DYNC1I1: variants seen among roughly 807,000 people sequenced by gnomAD.
DYNC1I1 encodes the protein cytoplasmic dynein 1 intermediate chain 1.
DYNC1I1 carries 43 observed loss-of-function variants against 86.6 expected under a neutral mutation model. The observed-to-expected ratio is 0.50, with a 90% CI of 0.39 to 0.64. DYNC1I1 has a LOEUF of 0.64. Among genes scored for constraint, DYNC1I1 ranks in the 30% least tolerant of loss-of-function variants. The pLI is 0.00. For missense variants in DYNC1I1, 604 were observed against 788.8 expected, an observed-to-expected ratio of 0.77 and a Z score of 2.81; for synonymous variants, 262 against 283.7, an observed-to-expected ratio of 0.92 and a Z score of 0.77.
chr7:95,949,682 A>G (rs373604159), intron 6 of DYNC1I1, among the ~76,000 whole-genome samples: 4 of 152,356 alleles, frequency 2.6e-5, no homozygotes, highest in East Asian at 3.9e-4. Context: ...TGGAGCTCTC[A>G]TCAGTGAGGA....
At chr7:96,058,486 T>G (rs187690369) in intron 14 of DYNC1I1, among the ~76,000 whole-genome samples, 2 of 152,318 alleles carry the variant, frequency 1.3e-5, no homozygotes, top group Admixed American at 1.3e-4. Flanking sequence ...CTTATACTTA[T>G]TCATTCAATA....
intron 6 of DYNC1I1, among the ~76,000 whole-genome samples, chr7:95,935,267 A>G (rs557246795): frequency 6.6e-6 from 1 of 152,118 alleles, no homozygotes; most frequent in Non-Finnish European, 1.5e-5. Context: ...TTAGCATAAG[A>G]TCCCCAACAT....
At chr7:95,938,366 C>G (rs1421123673) in intron 6 of DYNC1I1, among the ~76,000 whole-genome samples, 1 of 152,204 alleles carries the variant, frequency 6.6e-6, no homozygotes, top group Non-Finnish European at 1.5e-5. Context: ...CTTGCAACTA[C>G]ATTGCATTGT....
rs1584320469 is a variant in DYNC1I1 at position 96,097,995 on chromosome 7, G to A, written c.*402G>A. 1 of 996,214 alleles carries A rather than the reference G, an allele frequency of 1.0e-6. No homozygotes were observed. The highest frequency in any genetic ancestry group is 5.7e-5 in the Admixed American group (1 of 17,510). 61.7% of individuals were successfully genotyped at this position (996,214 alleles called of 1,614,324 possible). A position where few individuals can be genotyped will look rare whatever the true frequency, so the allele number is the denominator to read the frequency against. On this transcript the variant is annotated 3_prime_UTR_variant, in exon 17 of 17. Coordinates refer to ENST00000447467, the MANE Select transcript of DYNC1I1 (RefSeq NM_001135556.2). ...CAGATGTGGTGTTCCTCATATTATGGTACAGGGCCAAAGACTTGAGACGTG... is the reference window on the plus strand; with the variant it reads ...CAGATGTGGTGTTCCTCATATTATGATACAGGGCCAAAGACTTGAGACGTG...
chr7:95,853,725 C>G (rs1378848039), intron 5 of DYNC1I1, among the ~76,000 whole-genome samples: 1 of 152,130 alleles, frequency 6.6e-6, no homozygotes, highest in Non-Finnish European at 1.5e-5. Flanking sequence ...GATTTTCTGT[C>G]TGCCAATAGT....
At chr7:95,837,363 C>G (rs1395889334) in intron 5 of DYNC1I1, among the ~76,000 whole-genome samples, 2 of 151,110 alleles carry the variant, frequency 1.3e-5, no homozygotes, top group Admixed American at 1.3e-4. Flanking sequence ...AACCACTGCT[C>G]TCTTCAAAGC....
At chr7:95,933,006 G>T (rs1433121778) in intron 6 of DYNC1I1, among the ~76,000 whole-genome samples, 1 of 149,920 alleles carries the variant, frequency 6.7e-6, no homozygotes, top group African/African-American at 2.5e-5. Flanking sequence ...TCAGCTTCCT[G>T]AGTGTCTGGG....
At chr7:95,848,592 A>T (rs560527550) in intron 5 of DYNC1I1, among the ~76,000 whole-genome samples, 1 of 152,082 alleles carries the variant, frequency 6.6e-6, no homozygotes. Flanking sequence ...ATAGTATTCC[A>T]TTGTGTAAGC....
chr7:95,838,535 C>T (rs923803587), intron 5 of DYNC1I1, among the ~76,000 whole-genome samples: 1 of 152,072 alleles, frequency 6.6e-6, no homozygotes, highest in Non-Finnish European at 1.5e-5. Context: ...TTTTGGGGTT[C>T]CATATGAATT....
rs898844576 is a variant in DYNC1I1, at chr7:95,985,115, C to T, written c.743+138C>T. ...TTTTGGAATTGATCTTGCTGAACAG[C>T]TTTGACTATGGGCTTTGGTGATAAC... On this transcript the variant is annotated intron_variant, in intron 8 of 16. Coordinates refer to ENST00000447467, the MANE Select transcript of DYNC1I1 (RefSeq NM_001135556.2). 10 of 1,187,386 alleles carry T rather than the reference C, an allele frequency of 8.4e-6. No individual in the cohort carries two copies. The South Asian group carries it at 1.0e-4, about 12-fold the overall frequency. 73.6% of individuals were successfully genotyped at this position (1,187,386 alleles called of 1,614,324 possible).
chr7:95,807,171 G>A (rs1794720291), intron 2 of DYNC1I1, among the ~76,000 whole-genome samples: 1 of 152,106 alleles, frequency 6.6e-6, no homozygotes, highest in Admixed American at 6.6e-5. Context: ...CTGCTGGTGA[G>A]GCCATTTTAT....
At chr7:96,076,222 G>A (rs1235474148) in intron 15 of DYNC1I1, 25 bp downstream of exon 15, 5 of 1,612,226 alleles carry the variant, frequency 3.1e-6, no homozygotes, top group Non-Finnish European at 4.2e-6. Context: ...AGGCGCCCGG[G>A]CCGGAGGGCT....
intron 1 of DYNC1I1, among the ~76,000 whole-genome samples, chr7:95,791,260 G>A (rs892630403): frequency 6.6e-6 from 1 of 152,126 alleles, no homozygotes; most frequent in African/African-American, 2.4e-5. Context: ...CAGCTGGATG[G>A]CTTAAATTTG....
chr7:95,792,468 G>A (rs918851492), intron 1 of DYNC1I1, among the ~76,000 whole-genome samples: 2 of 152,172 alleles, frequency 1.3e-5, no homozygotes, highest in African/African-American at 4.8e-5. Flanking sequence ...GATACAGAGA[G>A]GAATCTGAAT....
At chr7:95,842,860 G>C (rs1789323989) in intron 5 of DYNC1I1, among the ~76,000 whole-genome samples, 1 of 150,304 alleles carries the variant, frequency 6.7e-6, no homozygotes, top group Admixed American at 6.7e-5. Context: ...TGCATGTTTG[G>C]TAATTTTTTA....
At chr7:96,037,574 T>A (rs980838477) in intron 13 of DYNC1I1, among the ~76,000 whole-genome samples, 1 of 152,314 alleles carries the variant, frequency 6.6e-6, no homozygotes, top group African/African-American at 2.4e-5. Flanking sequence ...ACTTAACCCA[T>A]GGTTTTACCT....
intron 14 of DYNC1I1, among the ~76,000 whole-genome samples, chr7:96,068,517 A>G (rs1790062578): frequency 6.6e-6 from 1 of 152,218 alleles, no homozygotes; most frequent in African/African-American, 2.4e-5. Context: ...CAAGAGGTAG[A>G]ATTAAACGTT....
chr7:95,867,436 C>T (rs1235602825), intron 5 of DYNC1I1, among the ~76,000 whole-genome samples: 1 of 152,186 alleles, frequency 6.6e-6, no homozygotes. Context: ...TTTCCCCTAC[C>T]ATTCAGCTGT....
chr7:95,954,274 A>G (rs1792639899), intron 6 of DYNC1I1, among the ~76,000 whole-genome samples: 1 of 151,008 alleles, frequency 6.6e-6, no homozygotes, highest in African/African-American at 2.4e-5. Context: ...ACTATCTAGT[A>G]TGGGAGCCAC....
Sources: gnomAD v4.1 joint callset for allele counts (sites outside exome capture counted in the v4.1 genomes callset) on GRCh38, gnomAD v4.1.1 for gene constraint, MANE v1.5 for transcripts, NCBI Gene and HGNC (gene_info 2026-07-23, HGNC 2026-07-21) for gene names.